Variants in CALCR observed in about 807,000 individuals in gnomAD.
CALCR encodes calcitonin receptor.
In CALCR, 47 loss-of-function variants were observed where a neutral mutation model predicts 59.5. That is an observed-to-expected ratio of 0.79 (90% CI 0.63 to 1.01). CALCR has a LOEUF of 1.01. Ranked by LOEUF, CALCR falls within the 50% of genes least tolerant of loss-of-function variation. The pLI, the probability that CALCR is intolerant of heterozygous loss-of-function variation, is 0.00. For missense variants in CALCR, 566 were observed against 597.1 expected (o/e 0.95, Z 0.54); for synonymous variants, 213 against 211.3 (o/e 1.01, Z -0.07).
chr7:93,445,870 TA>T (rs1169908725), intron 8 of CALCR, among the ~76,000 whole-genome samples: 1 of 151,956 alleles, frequency 6.6e-6, no homozygotes, highest in Non-Finnish European at 1.5e-5. Flanking sequence ...TTTAAAACAA[TA>T]AAATCACCAA....
At chr7:93,450,867 TG>T (rs1800094659) in intron 8 of CALCR, among the ~76,000 whole-genome samples, 1 of 151,982 alleles carries the variant, frequency 6.6e-6, no homozygotes, top group Admixed American at 6.6e-5. Flanking sequence ...ATGAAAATTA[TG>T]GTAGTAGGAT....
chr7:93,437,464 A>T (rs905825394), intron 11 of CALCR, among the ~76,000 whole-genome samples: 30 of 152,320 alleles, frequency 2.0e-4, no homozygotes, highest in Non-Finnish European at 2.9e-4. Flanking sequence ...CCTTAAAAAA[A>T]TCAGGGGACA....
intron 5 of CALCR, among the ~76,000 whole-genome samples, chr7:93,474,787 C>T (rs1800631238): frequency 6.6e-6 from 1 of 151,642 alleles, no homozygotes; most frequent in African/African-American, 2.4e-5. Context: ...TTGATCATTT[C>T]TCAGGGAAAA....
At chr7:93,465,571 G>C (rs1386752059) in intron 7 of CALCR, among the ~76,000 whole-genome samples, 1 of 151,792 alleles carries the variant, frequency 6.6e-6, no homozygotes, top group Non-Finnish European at 1.5e-5. Context: ...TCAAACTTTT[G>C]AACAGTTAAG....
chr7:93,562,576 G>C (rs574019504), intron 2 of CALCR, among the ~76,000 whole-genome samples: 2 of 152,226 alleles, frequency 1.3e-5, no homozygotes, highest in East Asian at 3.9e-4. Context: ...GACAACTCAA[G>C]GAATCACCCA....
At chr7:93,537,051 C>A in intron 2 of CALCR, among the ~76,000 whole-genome samples, 1 of 149,534 alleles carries the variant, frequency 6.7e-6, no homozygotes, top group Non-Finnish European at 1.5e-5. Context: ...AAAGAACATA[C>A]AGGATTTTTT....
At chr7:93,508,756 C>A (rs1447578113) in intron 2 of CALCR, among the ~76,000 whole-genome samples, 1 of 151,944 alleles carries the variant, frequency 6.6e-6, no homozygotes, top group African/African-American at 2.4e-5. Context: ...TAAATTAACT[C>A]TCAACAACCC....
chr7:93,460,560 A>ATATATATATATATATAT (rs1800296863), intron 8 of CALCR, among the ~76,000 whole-genome samples: 1 of 79,896 alleles, frequency 1.3e-5, no homozygotes, highest in African/African-American at 8.9e-5. Flanking sequence ...TATCTAAAAA[A>ATATATATATATATATAT]AAAAAAAAAA....
At chr7:93,566,297 T>A (rs1317052013) in intron 2 of CALCR, among the ~76,000 whole-genome samples, 1 of 152,148 alleles carries the variant, frequency 6.6e-6, no homozygotes, top group Non-Finnish European at 1.5e-5. Context: ...CTATCTGGAA[T>A]GTAAACTTAA....
At chr7:93,468,984 T>G (rs1800496988) in intron 6 of CALCR, among the ~76,000 whole-genome samples, 178 bp from the exon 7 acceptor site, 1 of 151,910 alleles carries the variant, frequency 6.6e-6, no homozygotes, top group South Asian at 2.1e-4. Context: ...TCATGTCATT[T>G]TATGAAAATA....
At position 93,484,347 on chromosome 7, in the gene CALCR, T is replaced by C. The variant is rs557375080; in HGVS notation, c.51+2584A>G. On this transcript the variant is annotated intron_variant, in intron 3 of 13. Transcript: ENST00000426151. Reference sequence around the variant, plus strand: ...CTGTTCTTCATGGAACTTTGAGAAATGGTCCATCTCTGCAATAGTTCAAGC... The same window carrying C: ...CTGTTCTTCATGGAACTTTGAGAAACGGTCCATCTCTGCAATAGTTCAAGC... 3.3e-5 allele frequency among the ~76,000 whole-genome samples: 5 copies of C among 151,896 alleles called. No homozygotes were observed. The East Asian group carries it at 9.8e-4, about 30-fold the overall frequency.
chr7:93,545,938 T>C (rs1789273751), intron 2 of CALCR, among the ~76,000 whole-genome samples: 1 of 152,062 alleles, frequency 6.6e-6, no homozygotes, highest in Non-Finnish European at 1.5e-5. Context: ...GAAATAGTGG[T>C]AAGAAGCTCT....
At chr7:93,495,984 A>G in intron 2 of CALCR, 1 of 1,399,922 alleles carries the variant, frequency 7.1e-7, no homozygotes, top group African/African-American at 1.5e-5. Context: ...TCTGTGAATA[A>G]ATAAAATGAA....
chr7:93,563,808 C>T (rs143115569), intron 2 of CALCR, among the ~76,000 whole-genome samples: 2 of 152,198 alleles, frequency 1.3e-5, no homozygotes, highest in African/African-American at 4.8e-5. Flanking sequence ...GCTAGACCTC[C>T]TTGGTTCATT....
chr7:93,503,427 T>C (rs78353349), intron 2 of CALCR, among the ~76,000 whole-genome samples: 26 of 138,322 alleles, frequency 1.9e-4, no homozygotes, highest in South Asian at 1.7e-3. Context: ...CACACACACA[T>C]ACACATACAC....
At chr7:93,433,838 A>G (rs1408676870) in intron 13 of CALCR, among the ~76,000 whole-genome samples, 1 of 152,218 alleles carries the variant, frequency 6.6e-6, no homozygotes, top group East Asian at 1.9e-4. Flanking sequence ...ACGCTGAGTA[A>G]GTAGTAGGGC....
At chr7:93,518,858 C>T (rs1348129226) in intron 2 of CALCR, among the ~76,000 whole-genome samples, 2 of 151,162 alleles carry the variant, frequency 1.3e-5, no homozygotes, top group African/African-American at 4.9e-5. Flanking sequence ...TTCTAATAAA[C>T]ATACATTTAC....
At chr7:93,487,955 A>T (rs1037339053) in intron 2 of CALCR, among the ~76,000 whole-genome samples, 2 of 123,412 alleles carry the variant, frequency 1.6e-5, no homozygotes, top group African/African-American at 5.4e-5. Context: ...ACACATAATC[A>T]TCAGATTCTC....
At chr7:93,524,213 A>G (rs554521556) in intron 2 of CALCR, among the ~76,000 whole-genome samples, 3 of 144,078 alleles carry the variant, frequency 2.1e-5, no homozygotes, top group Non-Finnish European at 4.5e-5. Context: ...TCTGTTGCCC[A>G]GGCTGGAGTG....
Sources: allele counts gnomAD v4.1 joint callset (sites outside exome capture counted in the v4.1 genomes callset), GRCh38; gene constraint gnomAD v4.1.1; transcripts MANE v1.5; gene names NCBI Gene and HGNC (gene_info 2026-07-23, HGNC 2026-07-21).